The following CAST variants were observed in gnomAD, a reference collection of about 807,000 sequenced individuals.
CAST encodes MIR583 host.
A neutral mutation model predicts 119.6 loss-of-function variants in CAST; 76 were observed. The observed-to-expected ratio is 0.64, with a 90% CI of 0.53 to 0.77. The LOEUF (loss-of-function observed/expected upper bound fraction) is 0.77, where lower values mean the gene tolerates loss of function less well. Ranked by LOEUF, CAST falls within the 30% of genes least tolerant of loss-of-function variation. CAST has a pLI of 0.00. For missense variants in CAST, 953 were observed against 946.5 expected (o/e 1.01, Z -0.09); for synonymous variants, 319 against 331.6 (o/e 0.96, Z 0.41).
chr5:96,019,624 T>C, the CAST span, among the ~76,000 whole-genome samples: 2 of 152,196 alleles, frequency 1.3e-5, no homozygotes, highest in Admixed American at 6.5e-5. Context: ...GCTTCTGATA[T>C]CTAGACTCCC....
the CAST span, among the ~76,000 whole-genome samples, chr5:96,468,631 C>G: frequency 1.3e-5 from 2 of 152,038 alleles, no homozygotes; most frequent in Admixed American, 1.3e-4. Context: ...GATAAAAATG[C>G]TGAAGATTTC....
Position 96,742,690 on chromosome 5 carries a change from G to C in CAST, c.1134G>C (p.Ser378=), listed in dbSNP as rs577905956. ...TMSDQALEAL[S]ASLGTRQAEP... The stretch of plus-strand genomic sequence containing the variant: ...GTGATCAAGCACTCGAGGCTCTGTC[G>C]GCTTCACTGGGCACCCGGCAAGCAG... The change falls in exon 16 of 32, where the codon TCG becomes TCC. Residue 378 remains serine, a synonymous_variant. Transcript: ENST00000675179. 2.5e-6 allele frequency: 4 copies of C among 1,613,692 alleles called. No individual in the cohort carries two copies. The African/African-American group carries it at 5.3e-5, about 22-fold the overall frequency.
At chr5:96,163,188 G>GTCT in the CAST span, among the ~76,000 whole-genome samples, 3 of 152,052 alleles carry the variant, frequency 2.0e-5, no homozygotes, top group Non-Finnish European at 4.4e-5. Flanking sequence ...GTTGTACATT[G>GTCT]TCTTCTCTTA....
At chr5:96,182,636 C>T in the CAST span, among the ~76,000 whole-genome samples, 546 of 152,238 alleles carry the variant, frequency 3.6e-3, 2 homozygotes, top group African/African-American at 0.013. Context: ...AAGATTGATG[C>T]AGAATTCCAT....
chr5:95,997,405 A>C, the CAST span, among the ~76,000 whole-genome samples: 1 of 152,082 alleles, frequency 6.6e-6, no homozygotes, highest in Non-Finnish European at 1.5e-5. Context: ...ACCTTCTAAC[A>C]CCCAATTAGA....
At chr5:96,220,051 G>A in the CAST span, among the ~76,000 whole-genome samples, 92 of 152,214 alleles carry the variant, frequency 6.0e-4, 1 homozygote, top group African/African-American at 2.1e-3. Flanking sequence ...TGTCTCCCAC[G>A]ACAGAGACTG....
chr5:96,310,472 C>T, the CAST span, among the ~76,000 whole-genome samples: 1 of 151,944 alleles, frequency 6.6e-6, no homozygotes, highest in Non-Finnish European at 1.5e-5. Context: ...ATTCCTTCCT[C>T]TAATTTTTTG....
chr5:96,373,655 A>C, the CAST span, among the ~76,000 whole-genome samples: 16 of 152,332 alleles, frequency 1.1e-4, no homozygotes, highest in African/African-American at 3.6e-4. Context: ...TAACAATAGA[A>C]TCGTAATGCT....
At chr5:96,525,960 G>A (rs1347334563), upstream of CAST, among the ~76,000 whole-genome samples, 1 of 152,192 alleles carries the variant, frequency 6.6e-6, no homozygotes, top group Non-Finnish European at 1.5e-5. Flanking sequence ...GTGTAAGTGA[G>A]AGTGGGGTGG....
the CAST span, among the ~76,000 whole-genome samples, chr5:96,169,719 G>A: frequency 1.3e-5 from 2 of 151,992 alleles, no homozygotes; most frequent in Non-Finnish European, 2.9e-5. Flanking sequence ...ATAGAGGTGT[G>A]CTATATTTGT....
At chr5:96,408,327 G>C in the CAST span, 2 of 1,610,778 alleles carry the variant, frequency 1.2e-6, no homozygotes, top group Non-Finnish European at 8.5e-7. Context: ...CGCTCGTCTG[G>C]ATGACGTCAG....
At chr5:96,689,829 AT>A (rs1329870730) in intron 2 of CAST, among the ~76,000 whole-genome samples, 1 of 152,082 alleles carries the variant, frequency 6.6e-6, no homozygotes, top group Non-Finnish European at 1.5e-5. Context: ...TTCTATTGTC[AT>A]TTTTTTGTTA....
chr5:96,446,520 A>C, the CAST span, among the ~76,000 whole-genome samples: 8 of 152,236 alleles, frequency 5.3e-5, no homozygotes, highest in African/African-American at 1.9e-4. Context: ...CTCAGTCAGC[A>C]GCAGGAATTG....
chr5:96,234,649 A>G, the CAST span, among the ~76,000 whole-genome samples: 6 of 152,156 alleles, frequency 3.9e-5, no homozygotes, highest in Non-Finnish European at 8.8e-5. Flanking sequence ...TTCCATTTCT[A>G]TGCAGAAAGA....
chr5:96,285,581 C>T, the CAST span, among the ~76,000 whole-genome samples: 1 of 152,210 alleles, frequency 6.6e-6, no homozygotes, highest in Non-Finnish European at 1.5e-5. Context: ...AGAAAGGACA[C>T]ATTCCCCTTG....
chr5:96,401,665 T>G, the CAST span, among the ~76,000 whole-genome samples: 1 of 152,216 alleles, frequency 6.6e-6, no homozygotes, highest in Non-Finnish European at 1.5e-5. Context: ...TCTTTTATTC[T>G]GCTATATGTG....
chr5:96,572,713 T>C (rs1404431641), intron 1 of CAST, among the ~76,000 whole-genome samples: 1 of 152,210 alleles, frequency 6.6e-6, no homozygotes, highest in Non-Finnish European at 1.5e-5. Context: ...AAGACTCGCC[T>C]GGGTCCCTGG....
intron 1 of CAST, among the ~76,000 whole-genome samples, chr5:96,669,588 A>G (rs952153579): frequency 3.3e-5 from 5 of 152,214 alleles, no homozygotes; most frequent in Non-Finnish European, 5.9e-5. Context: ...TACTGAGAAA[A>G]TAGAGATTAA....
At chr5:96,109,209 T>G in the CAST span, among the ~76,000 whole-genome samples, 2 of 152,380 alleles carry the variant, frequency 1.3e-5, no homozygotes, top group South Asian at 4.1e-4. Flanking sequence ...CTGGGAGCTG[T>G]AGACCAGAGC....
Sources: allele counts gnomAD v4.1 joint callset (sites outside exome capture counted in the v4.1 genomes callset), GRCh38; gene constraint gnomAD v4.1.1; transcripts MANE v1.5; gene names NCBI Gene and HGNC (gene_info 2026-07-23, HGNC 2026-07-21).